BMPR1B: variants seen among roughly 807,000 people sequenced by gnomAD.
The protein encoded by BMPR1B is bone morphogenetic protein receptor type-1B.
In BMPR1B, 12 loss-of-function variants were observed where a neutral mutation model predicts 59.1. The ratio of observed to expected loss-of-function variants is 0.20; its 90% CI spans 0.13 to 0.33. The LOEUF (loss-of-function observed/expected upper bound fraction) is 0.33. Ranked by LOEUF, BMPR1B falls within the 10% of genes least tolerant of loss-of-function variation. The pLI is 1.00. For synonymous variants in BMPR1B, 237 were observed against 207.3 expected, an observed-to-expected ratio of 1.14 and a Z score of -1.23; for missense variants, 550 against 610.9, an observed-to-expected ratio of 0.90 and a Z score of 1.05.
chr4:94,937,780 A>G (rs979559591), intron 2 of BMPR1B, among the ~76,000 whole-genome samples: 8 of 151,666 alleles, frequency 5.3e-5, no homozygotes, highest in Admixed American at 2.0e-4. Flanking sequence ...GGGAAGGGCA[A>G]TTCTTAAGTT....
intron 2 of BMPR1B, among the ~76,000 whole-genome samples, chr4:94,885,491 A>C (rs1727138180): frequency 6.6e-6 from 1 of 152,210 alleles, no homozygotes; most frequent in African/African-American, 2.4e-5. Context: ...AATACAAAAT[A>C]TCTTTGTTTT....
chr4:94,825,519 A>G lies in BMPR1B; in HGVS notation c.-182-50312A>G, dbSNP rs142369870. ...GACCCTGTCTCAAAAGTAAAAACAAAACAAAACAAAACAAAATAGTACCAT... is the reference window on the plus strand; with the variant it reads ...GACCCTGTCTCAAAAGTAAAAACAAGACAAAACAAAACAAAATAGTACCAT... On this transcript the variant is annotated intron_variant, in intron 1 of 12. Coordinates refer to ENST00000515059, the MANE Select transcript of BMPR1B (RefSeq NM_001203.3). 6.9e-3 allele frequency among the ~76,000 whole-genome samples: 1,052 copies of G among 152,250 alleles called. 11 individuals are homozygous for G. The highest frequency in any genetic ancestry group is 0.023 in the African/African-American group (975 of 41,548).
intron 1 of BMPR1B, among the ~76,000 whole-genome samples, chr4:94,837,859 A>G (rs1350692578): frequency 7.0e-6 from 1 of 143,316 alleles, no homozygotes; most frequent in African/African-American, 2.6e-5. Context: ...GAATGCTTCC[A>G]GTTTTTGCCC....
rs73838005 is a variant in BMPR1B, at chr4:95,044,310, C to T, written c.-18+48176C>T. Among the ~76,000 whole-genome samples, 339 of 152,274 alleles carry T rather than the reference C, an allele frequency of 2.2e-3. 2 individuals carry two copies. The highest frequency in any genetic ancestry group is 7.8e-3 in the African/African-American group (326 of 41,558). ...ACTTTATTAAGTCTGTCTTGGACTC[C>T]CCCTTCCTCTCCCTGAGTAAATGGA... is the stretch of plus-strand genomic sequence containing the variant. On this transcript the variant is annotated intron_variant, in intron 3 of 12. Transcript: ENST00000515059.
intron 3 of BMPR1B, among the ~76,000 whole-genome samples, chr4:95,072,550 A>G (rs1482074314): frequency 6.6e-6 from 1 of 152,168 alleles, no homozygotes; most frequent in Non-Finnish European, 1.5e-5. Context: ...AAGTTTAATA[A>G]AATGAGGAAA....
intron 3 of BMPR1B, among the ~76,000 whole-genome samples, chr4:95,087,354 C>G (rs1180111436): frequency 6.6e-6 from 1 of 152,028 alleles, no homozygotes; most frequent in Non-Finnish European, 1.5e-5. Flanking sequence ...TTTTAACATG[C>G]TAGAGATAGA....
At chr4:94,781,979 T>A (rs1042659259) in intron 1 of BMPR1B, among the ~76,000 whole-genome samples, 3 of 151,658 alleles carry the variant, frequency 2.0e-5, no homozygotes, top group Admixed American at 1.3e-4. Flanking sequence ...TGGATCTCTT[T>A]GTGTTTATTC....
chr4:94,862,854 A>G (rs1223934257), intron 1 of BMPR1B, among the ~76,000 whole-genome samples: 3 of 151,096 alleles, frequency 2.0e-5, no homozygotes, highest in Non-Finnish European at 4.4e-5. Flanking sequence ...CTGAGGCAGG[A>G]GAATGGCGTC....
chr4:95,075,846 A>G (rs1728666394), intron 3 of BMPR1B, among the ~76,000 whole-genome samples: 1 of 152,156 alleles, frequency 6.6e-6, no homozygotes, highest in Non-Finnish European at 1.5e-5. Context: ...GCTTCTGTCC[A>G]TAGCTTTCTT....
At chr4:94,768,154 A>G (rs2110565765) in intron 1 of BMPR1B, among the ~76,000 whole-genome samples, 1 of 152,218 alleles carries the variant, frequency 6.6e-6, no homozygotes, top group South Asian at 2.1e-4. Flanking sequence ...TTCTAATTGC[A>G]GTCTCTTGAT....
intron 3 of BMPR1B, among the ~76,000 whole-genome samples, chr4:95,050,972 A>G (rs1404301870): frequency 2.0e-5 from 3 of 152,348 alleles, no homozygotes; most frequent in African/African-American, 7.2e-5. Context: ...AAAAGTGGAA[A>G]AACTTGCAAT....
Position 95,002,749 on chromosome 4 carries a change from C to G in BMPR1B, c.-18+6615C>G, listed in dbSNP as rs4586955. ...CTGGTTATCCCTTTGTGATAATTTTCGATTGGATTAATACCTTTCACTTTA... is the reference window on the plus strand; with the variant it reads ...CTGGTTATCCCTTTGTGATAATTTTGGATTGGATTAATACCTTTCACTTTA... On this transcript the variant is annotated intron_variant, in intron 3 of 12. Transcript: ENST00000515059. Among the ~76,000 whole-genome samples, 311 of 152,000 alleles carry G rather than the reference C, an allele frequency of 2.0e-3. 1 individual carries two copies. Among genetic ancestry groups the G allele is most frequent in the African/African-American group, 7.1e-3 (295 of 41,456 alleles).
At chr4:94,958,748 T>C (rs1730249683) in intron 2 of BMPR1B, among the ~76,000 whole-genome samples, 1 of 152,160 alleles carries the variant, frequency 6.6e-6, no homozygotes, top group South Asian at 2.1e-4. Context: ...GTATTTCTTA[T>C]TATGAGGATG....
At position 95,091,911 on chromosome 4, in the gene BMPR1B, G is replaced by A. The variant is rs187882786; in HGVS notation, c.-17-12497G>A. ...TTATATGTATTATTTTAACTTTTGT[G>A]TTATGTGTGAGTGCGTGTTTGCCCC... On this transcript the variant is annotated intron_variant, in intron 3 of 12. Coordinates refer to ENST00000515059, the MANE Select transcript of BMPR1B (RefSeq NM_001203.3). 9.9e-5 allele frequency among the ~76,000 whole-genome samples: 15 copies of A among 152,066 alleles called. No individual in the cohort carries two copies. In the East Asian group the frequency reaches 2.9e-3, roughly 29 times the overall value.
chr4:94,801,578 A>G (rs546531793), intron 1 of BMPR1B, among the ~76,000 whole-genome samples: 4 of 152,212 alleles, frequency 2.6e-5, no homozygotes, highest in African/African-American at 4.8e-5. Context: ...TCATTTTGTC[A>G]TAACAACTTC....
At chr4:94,913,933 TTGGC>T (rs1162999320) in intron 2 of BMPR1B, among the ~76,000 whole-genome samples, 9 of 152,186 alleles carry the variant, frequency 5.9e-5, no homozygotes, top group Non-Finnish European at 1.2e-4. Flanking sequence ...ATAGCTACAC[TTGGC>T]TGGTGGCTAT....
At chr4:94,871,620 ATTAG>A (rs1311275332) in intron 1 of BMPR1B, among the ~76,000 whole-genome samples, 1 of 152,220 alleles carries the variant, frequency 6.6e-6, no homozygotes, top group Non-Finnish European at 1.5e-5. Flanking sequence ...GAATTTAATA[ATTAG>A]TTATATTGTT....
chr4:95,153,076 T>A (rs1486636524), intron 12 of BMPR1B, among the ~76,000 whole-genome samples: 1 of 152,182 alleles, frequency 6.6e-6, no homozygotes, highest in Non-Finnish European at 1.5e-5. Context: ...ACCTATTATT[T>A]CTCTGTGTGT....
At chr4:95,130,157 T>C in intron 9 of BMPR1B, 103 bp downstream of exon 9, 1 of 1,379,868 alleles carries the variant, frequency 7.2e-7, no homozygotes, top group Non-Finnish European at 1.0e-6. Flanking sequence ...CGTTGCGAAA[T>C]GTATTGAAGT....
Sources: gnomAD v4.1 joint callset for allele counts (sites outside exome capture counted in the v4.1 genomes callset) on GRCh38, gnomAD v4.1.1 for gene constraint, MANE v1.5 for transcripts, NCBI Gene and HGNC (gene_info 2026-07-23, HGNC 2026-07-21) for gene names.